DNAJC13: variants seen among roughly 807,000 people sequenced by gnomAD.
DNAJC13 encodes the protein dnaJ homolog subfamily C member 13.
A neutral mutation model predicts 290.5 loss-of-function variants in DNAJC13; 75 were observed. The ratio of observed to expected loss-of-function variants is 0.26; its 90% CI spans 0.21 to 0.31. DNAJC13 has a LOEUF of 0.31. Among genes scored for constraint, DNAJC13 ranks in the 10% least tolerant of loss-of-function variants. The pLI is 1.00. For synonymous variants in DNAJC13, 862 were observed against 892.0 expected (o/e 0.97, Z 0.60); for missense variants, 2,260 against 2,674.5 (o/e 0.85, Z 3.42).
intron 5 of DNAJC13, 131 bp from the exon 6 acceptor site, chr3:132,450,516 G>C (rs1576466655): frequency 1.7e-6 from 1 of 603,802 alleles, no homozygotes; most frequent in East Asian, 2.8e-5. Flanking sequence ...TTAACAATTT[G>C]GATAGTAGCT....
chr3:132,526,858 CAA>C (rs1174642893), intron 53 of DNAJC13, among the ~76,000 whole-genome samples: 1 of 152,106 alleles, frequency 6.6e-6, no homozygotes, highest in East Asian at 1.9e-4. Context: ...AAATGTAACT[CAA>C]AGAACAAATA....
At chr3:132,524,983 A>G (rs969868033) in intron 51 of DNAJC13, among the ~76,000 whole-genome samples, 56 of 152,316 alleles carry the variant, frequency 3.7e-4, no homozygotes, top group African/African-American at 1.3e-3. Context: ...TTGTTCTGAC[A>G]CTAACATACC....
At chr3:132,500,766 T>A in intron 38 of DNAJC13, 28 bp from the exon 39 acceptor site, 1 of 1,608,818 alleles carries the variant, frequency 6.2e-7, no homozygotes, top group Middle Eastern at 1.7e-4. Flanking sequence ...ACTCTACTGG[T>A]TTTTTTGCTC....
intron 21 of DNAJC13, among the ~76,000 whole-genome samples, chr3:132,474,589 T>G (rs1022223081): frequency 4.6e-5 from 7 of 151,974 alleles, no homozygotes; most frequent in African/African-American, 1.5e-4. Context: ...AACATTGAAG[T>G]TGAAATATCA....
intron 1 of DNAJC13, among the ~76,000 whole-genome samples, chr3:132,422,864 T>TA (rs1463276333): frequency 6.6e-6 from 1 of 152,212 alleles, no homozygotes; most frequent in African/African-American, 2.4e-5. Context: ...AGTGGAATTT[T>TA]ACAGTTTAAG....
At chr3:132,442,549 AT>A (rs1286838591) in intron 2 of DNAJC13, among the ~76,000 whole-genome samples, 1 of 151,568 alleles carries the variant, frequency 6.6e-6, no homozygotes, top group East Asian at 1.9e-4. Flanking sequence ...TCAGCACAAC[AT>A]TTTTTTTTCT....
intron 35 of DNAJC13, among the ~76,000 whole-genome samples, chr3:132,496,007 T>C (rs1343917910): frequency 6.6e-6 from 1 of 152,162 alleles, no homozygotes; most frequent in Non-Finnish European, 1.5e-5. Context: ...TATAGATAAC[T>C]GAACATACAG....
chr3:132,502,269 T>C lies in DNAJC13; in HGVS notation c.4537-20T>C. The C allele has an allele frequency of 1.3e-6, 2 of 1,549,212 alleles. No homozygotes were observed. The highest frequency in any genetic ancestry group is 1.9e-5 in the Admixed American group (1 of 51,876). On this transcript the variant is annotated intron_variant, in intron 39 of 55. Transcript: ENST00000260818. Reference sequence around the variant, plus strand: ...TTTTTAACTCTGTAACAACTAATGCTCTCATTTTTATTCTCTCAGAGTATT... The same window carrying C: ...TTTTTAACTCTGTAACAACTAATGCCCTCATTTTTATTCTCTCAGAGTATT...
chr3:132,515,544 GT>G (rs34082594), intron 46 of DNAJC13, among the ~76,000 whole-genome samples: 17,641 of 151,988 alleles, frequency 0.12, 1,557 homozygotes, highest in East Asian at 0.53. Flanking sequence ...ACCTTAGTTG[GT>G]TTTTCTTTTT....
intron 1 of DNAJC13, among the ~76,000 whole-genome samples, chr3:132,430,251 T>G (rs1939205852): frequency 6.6e-6 from 1 of 152,164 alleles, no homozygotes. Flanking sequence ...AAAGGTCTGT[T>G]GGAGTTCTAT....
intron 39 of DNAJC13, 40 bp downstream of exon 39, chr3:132,500,953 A>G: frequency 6.2e-7 from 1 of 1,604,408 alleles, no homozygotes; most frequent in Non-Finnish European, 8.5e-7. Flanking sequence ...ACAGACAGCA[A>G]AGTGTCTTTT....
rs1192055347 is a variant in DNAJC13 at position 132,450,846 on chromosome 3, T to C, written c.536T>C (p.Leu179Ser). 3 of 1,515,380 alleles carry C rather than the reference T, an allele frequency of 2.0e-6. No homozygotes were observed. Among genetic ancestry groups the C allele is most frequent in the East Asian group, 2.3e-5 (1 of 44,072 alleles). 93.9% of individuals were successfully genotyped at this position (1,515,380 alleles called of 1,614,324 possible). A position where few individuals can be genotyped will look rare whatever the true frequency, so the allele number is the denominator to read the frequency against. The part of the protein sequence containing the change: ...FCILYGGFSR[L>S]HLFASEQREE... ...ATACTTTATGGAGGATTTAGTAGATTGGTAAGTACTATTTTAAAAAAAAAA... is the reference window on the plus strand; with the variant it reads ...ATACTTTATGGAGGATTTAGTAGATCGGTAAGTACTATTTTAAAAAAAAAA... The change falls in exon 6 of 56, where the codon TTG becomes TCG. Residue 179 changes from leucine to serine, a missense_variant and splice_region_variant. Transcript: ENST00000260818.
At chr3:132,448,025 A>G in intron 5 of DNAJC13, 86 bp downstream of exon 5, 4 of 956,328 alleles carry the variant, frequency 4.2e-6, no homozygotes, top group Non-Finnish European at 6.3e-6. Context: ...TGTGTGTTCC[A>G]TTTGTAGCAA....
At chr3:132,433,905 C>G (rs767359161) in intron 1 of DNAJC13, among the ~76,000 whole-genome samples, 27 of 152,248 alleles carry the variant, frequency 1.8e-4, no homozygotes, top group Non-Finnish European at 3.8e-4. Context: ...ATAGACCAGT[C>G]CCCGTCTTTA....
chr3:132,448,084 A>G (rs932496636), intron 5 of DNAJC13, 145 bp downstream of exon 5: 1 of 571,312 alleles, frequency 1.8e-6, no homozygotes, highest in Non-Finnish European at 3.0e-6. Context: ...ATATCATGTT[A>G]TGTAGTTTAA....
intron 2 of DNAJC13, among the ~76,000 whole-genome samples, chr3:132,442,889 A>ATT: frequency 6.6e-6 from 1 of 152,200 alleles, no homozygotes. Flanking sequence ...TTATACTATG[A>ATT]ATTTAAAAAT....
intron 55 of DNAJC13, among the ~76,000 whole-genome samples, chr3:132,533,813 T>TA (rs1335816767): frequency 1.3e-5 from 2 of 152,368 alleles, no homozygotes; most frequent in East Asian, 3.9e-4. Flanking sequence ...GTCCTTGACT[T>TA]ACAGAGTGTG....
chr3:132,456,613 T>TA, intron 11 of DNAJC13, 33 bp downstream of exon 11: 2 of 1,613,304 alleles, frequency 1.2e-6, no homozygotes, highest in Non-Finnish European at 1.7e-6. Flanking sequence ...TGTTCATTGT[T>TA]ACTAACTTTT....
chr3:132,446,580 G>A, intron 3 of DNAJC13, 30 bp downstream of exon 3: 1 of 1,479,976 alleles, frequency 6.8e-7, no homozygotes. Flanking sequence ...TTAGGTGTTT[G>A]TATGAACTCC....
Sources: gnomAD v4.1 joint callset for allele counts (sites outside exome capture counted in the v4.1 genomes callset) on GRCh38, gnomAD v4.1.1 for gene constraint, MANE v1.5 for transcripts, NCBI Gene and HGNC (gene_info 2026-07-23, HGNC 2026-07-21) for gene names.